Variants in ATG7 observed in about 807,000 individuals in gnomAD.
ATG7 encodes the protein autophagy related 7.
A neutral mutation model predicts 82.4 loss-of-function variants in ATG7; 70 were observed. The ratio of observed to expected loss-of-function variants is 0.85; its 90% CI spans 0.70 to 1.04. The LOEUF (loss-of-function observed/expected upper bound fraction) is 1.04, where lower values mean the gene tolerates loss of function less well. Among genes scored for constraint, ATG7 ranks in the 50% least tolerant of loss-of-function variants. ATG7 has a pLI of 0.00. For missense variants in ATG7, 792 were observed against 864.3 expected, an observed-to-expected ratio of 0.92 and a Z score of 1.05; for synonymous variants, 287 against 313.0, an observed-to-expected ratio of 0.92 and a Z score of 0.88.
At chr3:11,475,627 G>A (rs1329386577) in intron 20 of ATG7, among the ~76,000 whole-genome samples, 1 of 152,124 alleles carries the variant, frequency 6.6e-6, no homozygotes, top group African/African-American at 2.4e-5. Context: ...AGGTGATCAG[G>A]TAGACCTCTC....
chr3:11,390,236 A>C (rs997681738), intron 19 of ATG7, among the ~76,000 whole-genome samples: 7 of 152,234 alleles, frequency 4.6e-5, no homozygotes, highest in Non-Finnish European at 1.0e-4. Flanking sequence ...CTTGACTGAT[A>C]AGGAAGATTG....
intron 5 of ATG7, among the ~76,000 whole-genome samples, chr3:11,305,318 A>G (rs1337433467): frequency 1.3e-5 from 2 of 152,236 alleles, no homozygotes; most frequent in African/African-American, 2.4e-5. Context: ...GAGCCTAGCC[A>G]TCTTGCAGTT....
intron 20 of ATG7, among the ~76,000 whole-genome samples, chr3:11,505,834 G>A (rs2091673157): frequency 1.3e-5 from 2 of 152,328 alleles, no homozygotes; most frequent in South Asian, 4.1e-4. Flanking sequence ...GTCTTTTGCA[G>A]TCTTGTCACT....
At chr3:11,494,412 G>T (rs1342689911) in intron 20 of ATG7, among the ~76,000 whole-genome samples, 1 of 152,198 alleles carries the variant, frequency 6.6e-6, no homozygotes, top group Non-Finnish European at 1.5e-5. Flanking sequence ...AGGGAACTCA[G>T]ATTAAGACAA....
the ATG7 span, among the ~76,000 whole-genome samples, chr3:11,573,247 GAA>G: frequency 1.0e-3 from 48 of 47,778 alleles, 7 homozygotes; most frequent in East Asian, 0.012. Context: ...AAGAAATAGA[GAA>G]AGAAAGAAAG....
At chr3:11,536,534 A>G (rs911720099) in intron 20 of ATG7, among the ~76,000 whole-genome samples, 2 of 152,160 alleles carry the variant, frequency 1.3e-5, no homozygotes, top group Admixed American at 6.5e-5. Context: ...TCTGTTTCCC[A>G]TGCAAAACGC....
At chr3:11,479,911 C>A (rs1457344955) in intron 20 of ATG7, among the ~76,000 whole-genome samples, 2 of 151,838 alleles carry the variant, frequency 1.3e-5, no homozygotes, top group Non-Finnish European at 2.9e-5. Flanking sequence ...GGCTTCTGCA[C>A]TGCCTGCCCT....
intron 20 of ATG7, among the ~76,000 whole-genome samples, chr3:11,436,096 ATAGGGAACTC>A (rs2083345590): frequency 6.6e-6 from 1 of 152,170 alleles, no homozygotes; most frequent in Non-Finnish European, 1.5e-5. Flanking sequence ...CCCAGAATAT[ATAGGGAACTC>A]TTACAACTTA....
intron 5 of ATG7, among the ~76,000 whole-genome samples, chr3:11,306,661 G>A (rs1408728413): frequency 6.6e-6 from 1 of 152,180 alleles, no homozygotes; most frequent in Non-Finnish European, 1.5e-5. Context: ...GTTAAAGGTG[G>A]GAAAGAAGAA....
chr3:11,530,071 C>T (rs1030529009), intron 20 of ATG7, among the ~76,000 whole-genome samples: 1 of 152,124 alleles, frequency 6.6e-6, no homozygotes, highest in Admixed American at 6.5e-5. Context: ...TTGAGGACGC[C>T]TCTCGGTCTT....
At chr3:11,406,230 T>C (rs1344473172) in intron 19 of ATG7, among the ~76,000 whole-genome samples, 1 of 152,196 alleles carries the variant, frequency 6.6e-6, no homozygotes, top group Non-Finnish European at 1.5e-5. Flanking sequence ...ACTCAAGTGA[T>C]CTGCCCACCC....
intron 20 of ATG7, among the ~76,000 whole-genome samples, chr3:11,444,406 C>G (rs533789597): frequency 6.6e-6 from 1 of 152,312 alleles, no homozygotes; most frequent in East Asian, 1.9e-4. Flanking sequence ...TCAGATAGGG[C>G]TGAGCTTTGG....
At chr3:11,500,893 T>C (rs1250070359) in intron 20 of ATG7, among the ~76,000 whole-genome samples, 1 of 152,224 alleles carries the variant, frequency 6.6e-6, no homozygotes, top group Non-Finnish European at 1.5e-5. Context: ...CCTCCCAAAG[T>C]GCTGGGATTA....
chr3:11,442,388 A>G (rs567769529), intron 20 of ATG7, among the ~76,000 whole-genome samples: 3 of 152,278 alleles, frequency 2.0e-5, no homozygotes, highest in East Asian at 3.9e-4. Context: ...TCTTTAATAC[A>G]AACATTTGTT....
intron 18 of ATG7, among the ~76,000 whole-genome samples, chr3:11,368,513 TA>T (rs1055203199): frequency 6.6e-6 from 1 of 152,050 alleles, no homozygotes; most frequent in Non-Finnish European, 1.5e-5. Context: ...GTGACAAGGC[TA>T]GGCACAGTGG....
intron 7 of ATG7, among the ~76,000 whole-genome samples, chr3:11,309,273 G>T (rs1451547550): frequency 6.6e-6 from 1 of 152,116 alleles, no homozygotes; most frequent in African/African-American, 2.4e-5. Context: ...GATCATACTG[G>T]CAGTAATTGC....
chr3:11,389,847 G>A (rs1437048865), intron 19 of ATG7, among the ~76,000 whole-genome samples: 3 of 152,234 alleles, frequency 2.0e-5, no homozygotes, highest in African/African-American at 7.2e-5. Flanking sequence ...ATTCACTGAA[G>A]CATTTGGATA....
chr3:11,545,663 G>A (rs2071217466), intron 20 of ATG7, among the ~76,000 whole-genome samples: 2 of 147,870 alleles, frequency 1.4e-5, no homozygotes, highest in South Asian at 2.1e-4. Flanking sequence ...CTTGGGCTCC[G>A]TGTCCCGAGC....
At position 11,360,572 on chromosome 3, in the gene ATG7, A is replaced by G. The variant is rs758902010; in HGVS notation, c.1480-9A>G. On this transcript the variant is annotated splice_polypyrimidine_tract_variant and intron_variant, in intron 15 of 20. Coordinates refer to ENST00000693202, the MANE Select transcript of ATG7 (RefSeq NM_001349232.2). The stretch of plus-strand genomic sequence containing the variant: ...TTAACTCTGCTCTTTCATTCCTTGA[A>G]ACCTGCAGCTGGTCATCAATGCTGC... 8 of 1,611,312 alleles carry G rather than the reference A, an allele frequency of 5.0e-6. 1 individual carries two copies. The South Asian group carries it at 5.5e-5, about 11-fold the overall frequency.
Sources: gnomAD v4.1 joint callset for allele counts (sites outside exome capture counted in the v4.1 genomes callset) on GRCh38, gnomAD v4.1.1 for gene constraint, MANE v1.5 for transcripts, NCBI Gene and HGNC (gene_info 2026-07-23, HGNC 2026-07-21) for gene names.